Variants in COL4A6 observed in about 807,000 individuals in gnomAD.
The protein encoded by COL4A6 is collagen alpha-6(IV) chain.
In COL4A6, 59 loss-of-function variants were observed where a neutral mutation model predicts 126.7. The ratio of observed to expected loss-of-function variants is 0.47; its 90% CI spans 0.38 to 0.58. The LOEUF is 0.58. COL4A6 is among the 20% of genes least tolerant of loss of function. The pLI, the probability that COL4A6 is intolerant of heterozygous loss-of-function variation, is 0.00. For synonymous variants in COL4A6, 547 were observed against 496.6 expected (o/e 1.10, Z -1.35); for missense variants, 1,285 against 1,337.3 (o/e 0.96, Z 0.61).
chrX:108,319,147 C>T (rs930840563), intron 2 of COL4A6, among the ~76,000 whole-genome samples: 7 of 112,059 alleles, frequency 6.2e-5, no homozygotes, highest in Non-Finnish European at 9.4e-5. Flanking sequence ...GAAGCCAAGG[C>T]AGGGGGATCG....
chrX:108,205,441 T>C lies in COL4A6; in HGVS notation c.685A>G (p.Lys229Glu), dbSNP rs954778448. 1 of 1,200,382 alleles carries C rather than the reference T, an allele frequency of 8.3e-7. No individual in the cohort carries two copies. The highest frequency in any genetic ancestry group is 3.0e-5 in the East Asian group (1 of 33,780). ...TGTATTTTTTAAAAGCTGTTTACCT[T>C]GACTCCTTTCTCTCCTTGAAAACCT... ...GLGFQGEKGV[K>E]GDVGLPGPAG... Residue 229 changes from lysine (K) to glutamate (E), a missense_variant and splice_region_variant, in exon 11 of 45, where the codon AAG (lysine) becomes GAG (glutamate). Lys to Glu is a moderately conservative substitution (Grantham distance 56). Transcript: ENST00000334504.
At chrX:108,372,508 C>A (rs1375883268) in intron 2 of COL4A6, among the ~76,000 whole-genome samples, 1 of 111,903 alleles carries the variant, frequency 8.9e-6, no homozygotes, top group Non-Finnish European at 1.9e-5. Flanking sequence ...TGGGACCAGG[C>A]AGATTCAGAT....
At chrX:108,343,084 A>G (rs1351793744) in intron 2 of COL4A6, among the ~76,000 whole-genome samples, 2 of 103,252 alleles carry the variant, frequency 1.9e-5, no homozygotes, top group Non-Finnish European at 2.0e-5. Context: ...AGAATTTATA[A>G]TAAATACTAC....
At position 108,214,238 on chromosome X, in the gene COL4A6, G is replaced by C; in HGVS notation, c.325-10C>G. 8.8e-7 allele frequency: 1 copy of C among 1,134,490 alleles called. No homozygotes were observed. Among genetic ancestry groups the C allele is most frequent in the Non-Finnish European group, 1.2e-6 (1 of 837,131 alleles). 93.5% of individuals were successfully genotyped at this position (1,134,490 alleles called of 1,213,427 possible). A position where few individuals can be genotyped will look rare whatever the true frequency, so the allele number is the denominator to read the frequency against. On this transcript the variant is annotated splice_polypyrimidine_tract_variant and intron_variant, in intron 5 of 44. Transcript: ENST00000334504. ...GTTGTCCAGGGTGGCCCTGTTCAAA[G>C]AGAAAAGAAGGGATCAAGTTAGCCA... is the stretch of plus-strand genomic sequence containing the variant.
intron 5 of COL4A6, among the ~76,000 whole-genome samples, chrX:108,216,452 T>C (rs1038296578): frequency 8.9e-6 from 1 of 112,295 alleles, no homozygotes; most frequent in African/African-American, 3.2e-5. Flanking sequence ...GAATAATGCC[T>C]ATTCCACTGG....
chrX:108,294,206 G>T (rs886413052), intron 3 of COL4A6, among the ~76,000 whole-genome samples: 1 of 111,768 alleles, frequency 8.9e-6, no homozygotes, highest in African/African-American at 3.3e-5. Flanking sequence ...TGTTTAGTAT[G>T]GGGAAACCAG....
intron 2 of COL4A6, among the ~76,000 whole-genome samples, chrX:108,355,057 T>C (rs2039929358): frequency 9.0e-6 from 1 of 111,509 alleles, no homozygotes; most frequent in Non-Finnish European, 1.9e-5. Flanking sequence ...TGTGTACAAA[T>C]CACTGTACTA....
intron 3 of COL4A6, among the ~76,000 whole-genome samples, chrX:108,275,172 G>A (rs1291961125): frequency 9.0e-6 from 1 of 111,367 alleles, no homozygotes; most frequent in African/African-American, 3.3e-5. Context: ...TATTACTTGG[G>A]AGGAAAGGAA....
At chrX:108,303,367 T>C (rs2038544297) in intron 3 of COL4A6, among the ~76,000 whole-genome samples, 1 of 111,277 alleles carries the variant, frequency 9.0e-6, no homozygotes, top group Non-Finnish European at 1.9e-5. Flanking sequence ...GGCACACATC[T>C]GGCAACTGAA....
At chrX:108,299,284 G>A (rs1017876671) in intron 3 of COL4A6, among the ~76,000 whole-genome samples, 1 of 112,049 alleles carries the variant, frequency 8.9e-6, no homozygotes, top group Non-Finnish European at 1.9e-5. Flanking sequence ...CAAAGGCCAC[G>A]TTTAACCCCT....
At chrX:108,396,691 T>C (rs1349743099) in intron 2 of COL4A6, among the ~76,000 whole-genome samples, 2 of 111,722 alleles carry the variant, frequency 1.8e-5, no homozygotes, top group East Asian at 2.8e-4. Flanking sequence ...ACGCAAGTCA[T>C]GATGCACCTA....
chrX:108,296,900 A>G (rs1423084951), intron 3 of COL4A6, among the ~76,000 whole-genome samples: 1 of 111,994 alleles, frequency 8.9e-6, no homozygotes, highest in Non-Finnish European at 1.9e-5. Flanking sequence ...AGTCAAGCAA[A>G]GAAAGTTTTT....
intron 3 of COL4A6, among the ~76,000 whole-genome samples, chrX:108,262,302 G>A (rs991910332): frequency 9.0e-6 from 1 of 111,330 alleles, no homozygotes; most frequent in Non-Finnish European, 1.9e-5. Flanking sequence ...TTGCTCCTTA[G>A]GATTGACCCT....
At chrX:108,318,783 A>G (rs1436716183) in intron 2 of COL4A6, among the ~76,000 whole-genome samples, 1 of 112,518 alleles carries the variant, frequency 8.9e-6, no homozygotes, top group Non-Finnish European at 1.9e-5. Flanking sequence ...CAATATCGTG[A>G]AAACGGCCAT....
intron 33 of COL4A6, 24 bp from the exon 34 acceptor site, chrX:108,170,941 A>G (rs746231844): frequency 8.8e-7 from 1 of 1,139,786 alleles, no homozygotes; most frequent in East Asian, 3.0e-5. Flanking sequence ...AAAAATGCTG[A>G]GTGATTAGGC....
intron 2 of COL4A6, among the ~76,000 whole-genome samples, chrX:108,400,518 G>GA (rs2041063366): frequency 9.0e-6 from 1 of 111,533 alleles, no homozygotes; most frequent in Non-Finnish European, 1.9e-5. Context: ...TCCAAATACA[G>GA]CAGGGTGAAA....
intron 2 of COL4A6, among the ~76,000 whole-genome samples, chrX:108,365,401 T>C (rs963725729): frequency 4.5e-5 from 5 of 112,017 alleles, no homozygotes; most frequent in African/African-American, 6.5e-5. Flanking sequence ...CTCCATTTCT[T>C]AGACCTTGAG....
rs1006504081 is a variant in COL4A6 at position 108,202,928 on chromosome X, C to G, written c.834G>C (p.Pro278=). The change falls in exon 13 of 45, where the codon CCG becomes CCC. Residue 278 remains proline, a splice_region_variant and synonymous_variant. Transcript: ENST00000334504. ...ATATTGATCAAATAGAGAGACTTAC[C>G]GGGAAGCCTGGAGGGCCACTTATGC... The part of the protein sequence containing the change: ...FPGISGPPGF[P]GLGTTGEKGE... 9.9e-6 allele frequency: 12 copies of G among 1,207,874 alleles called. No homozygotes were observed. Among genetic ancestry groups the G allele is most frequent in the Non-Finnish European group, 1.3e-5 (12 of 892,261 alleles).
At chrX:108,332,496 CT>C (rs2039326319) in intron 2 of COL4A6, among the ~76,000 whole-genome samples, 1 of 111,958 alleles carries the variant, frequency 8.9e-6, no homozygotes, top group Non-Finnish European at 1.9e-5. Context: ...TCTCTTTTCT[CT>C]GCATCCTCAC....
Sources: gnomAD v4.1 joint callset for allele counts (sites outside exome capture counted in the v4.1 genomes callset) on GRCh38, gnomAD v4.1.1 for gene constraint, MANE v1.5 for transcripts, NCBI Gene and HGNC (gene_info 2026-07-23, HGNC 2026-07-21) for gene names.